Variants in ZBTB20 observed in about 807,000 individuals in gnomAD.
ZBTB20 encodes zinc finger and BTB domain-containing protein 20.
Under a neutral mutation model 56.9 loss-of-function variants are expected in ZBTB20, and 9 were observed. The ratio of observed to expected loss-of-function variants is 0.16; its 90% confidence interval spans 0.10 to 0.28. The LOEUF is 0.28. Among genes scored for constraint, ZBTB20 ranks in the 10% least tolerant of loss-of-function variants. The pLI is 1.00. For missense variants in ZBTB20, 655 were observed against 1,003.0 expected (o/e 0.65, Z 4.69); for synonymous variants, 417 against 420.7 (o/e 0.99, Z 0.11).
intron 6 of ZBTB20, among the ~76,000 whole-genome samples, chr3:114,618,338 C>T (rs1354695436): frequency 6.9e-6 from 1 of 145,082 alleles, no homozygotes. Context: ...CAAGCTCAAA[C>T]TCCTGGGCTC....
At position 114,947,466 on chromosome 3, in the gene ZBTB20, A is replaced by C. The variant is rs1022391634; in HGVS notation, c.-456+26900T>G. On this transcript the variant is annotated intron_variant, in intron 3 of 11. Transcript: ENST00000675478. Reference sequence around the variant, plus strand: ...TGAAATATATATGTAATAGGATACTATCCAGCTATAAAAAAGAATGGAATC... The same window carrying C: ...TGAAATATATATGTAATAGGATACTCTCCAGCTATAAAAAAGAATGGAATC... 2.0e-5 allele frequency among the ~76,000 whole-genome samples: 3 copies of C among 146,430 alleles called. 1 individual carries two copies. The highest frequency in any genetic ancestry group is 1.3e-4 in the Admixed American group (2 of 15,124).
At chr3:114,764,722 T>C (rs1336926783) in intron 5 of ZBTB20, among the ~76,000 whole-genome samples, 3 of 152,196 alleles carry the variant, frequency 2.0e-5, no homozygotes, top group Admixed American at 1.3e-4. Context: ...TTCTATGAGA[T>C]ATATTTCTTT....
chr3:114,336,840 G>T lies in ZBTB20; in HGVS notation c.*2165C>A, dbSNP rs1275968844. ...TTCTTCTTTTTAAAACTGTAGTTTG[G>T]TGTTTTGCTTTGTTTAAAGATTTGC... On this transcript the variant is annotated 3_prime_UTR_variant, in exon 12 of 12. Transcript: ENST00000675478. The T allele has an allele frequency of 6.6e-6, 1 of 152,168 alleles. No individual in the cohort carries two copies. Among genetic ancestry groups the T allele is most frequent in the Non-Finnish European group, 1.5e-5 (1 of 68,018 alleles). The allele number at this position is 152,168 out of a possible 1,614,324, so 9.4% of individuals were successfully genotyped here. A position where few individuals can be genotyped will look rare whatever the true frequency, so the allele number is the denominator to read the frequency against.
At chr3:114,956,478 C>T (rs2077250707) in intron 3 of ZBTB20, among the ~76,000 whole-genome samples, 1 of 152,130 alleles carries the variant, frequency 6.6e-6, no homozygotes, top group Admixed American at 6.6e-5. Flanking sequence ...ACTGAAATCA[C>T]TAGGGAAGCT....
At chr3:115,130,293 T>A (rs1353053369) in intron 1 of ZBTB20, among the ~76,000 whole-genome samples, 2 of 152,232 alleles carry the variant, frequency 1.3e-5, no homozygotes, top group Non-Finnish European at 2.9e-5. Flanking sequence ...TTAGGTCAAA[T>A]CAGCAAATAT....
intron 4 of ZBTB20, among the ~76,000 whole-genome samples, chr3:114,859,229 T>A (rs1472072615): frequency 1.3e-5 from 2 of 151,366 alleles, no homozygotes; most frequent in African/African-American, 2.4e-5. Context: ...CCTTCCTTCC[T>A]TCTTTCCTTC....
At chr3:114,846,728 T>A (rs375174936) in intron 4 of ZBTB20, among the ~76,000 whole-genome samples, 4 of 152,316 alleles carry the variant, frequency 2.6e-5, no homozygotes, top group South Asian at 2.1e-4. Context: ...TTCTGAACCA[T>A]TCTGTGTGAA....
chr3:114,455,625 T>C (rs961906546), intron 7 of ZBTB20, among the ~76,000 whole-genome samples: 18 of 152,080 alleles, frequency 1.2e-4, no homozygotes, highest in Admixed American at 3.3e-4. Flanking sequence ...AGAAGGATGC[T>C]GGAAGAAGAG....
At chr3:114,859,283 CCTTT>C (rs1319926997) in intron 4 of ZBTB20, among the ~76,000 whole-genome samples, 280 of 27,622 alleles carry the variant, frequency 0.01, no homozygotes, top group East Asian at 0.032. Flanking sequence ...TTCCTTCCTT[CCTTT>C]CTTCCTTCCT....
chr3:114,940,508 T>G (rs1468682293), intron 3 of ZBTB20, among the ~76,000 whole-genome samples: 1 of 145,820 alleles, frequency 6.9e-6, no homozygotes, highest in East Asian at 1.9e-4. Context: ...GCACCCTAAT[T>G]AGACAAACGT....
chr3:114,814,188 C>T (rs2072760902), intron 4 of ZBTB20, among the ~76,000 whole-genome samples: 1 of 150,734 alleles, frequency 6.6e-6, no homozygotes, highest in African/African-American at 2.4e-5. Context: ...TTCTTGCCTC[C>T]TTCTCATGTT....
intron 1 of ZBTB20, among the ~76,000 whole-genome samples, chr3:115,115,730 T>C (rs1226935888): frequency 6.6e-6 from 1 of 152,020 alleles, no homozygotes; most frequent in African/African-American, 2.4e-5. Flanking sequence ...TCCCCAAAAG[T>C]CTTCTAAATA....
chr3:114,799,014 C>T (rs1443170758), intron 5 of ZBTB20, among the ~76,000 whole-genome samples: 2 of 151,766 alleles, frequency 1.3e-5, no homozygotes, highest in Admixed American at 1.3e-4. Context: ...TAGAAGGTGT[C>T]AAATGGTTCT....
chr3:114,408,213 A>G (rs996630791), intron 7 of ZBTB20, among the ~76,000 whole-genome samples: 1 of 152,228 alleles, frequency 6.6e-6, no homozygotes, highest in African/African-American at 2.4e-5. Context: ...AAAAAATACT[A>G]TGTAAGTACT....
chr3:114,778,151 C>T (rs1442131290), intron 5 of ZBTB20, among the ~76,000 whole-genome samples: 7 of 148,520 alleles, frequency 4.7e-5, no homozygotes, highest in Admixed American at 6.7e-5. Flanking sequence ...TGCTAAATGA[C>T]GAGTTAATGG....
chr3:114,894,159 G>GA (rs1291426257), intron 4 of ZBTB20, among the ~76,000 whole-genome samples: 1 of 152,108 alleles, frequency 6.6e-6, no homozygotes, highest in Non-Finnish European at 1.5e-5. Flanking sequence ...TACCAGCATT[G>GA]AATATTTACA....
intron 1 of ZBTB20, among the ~76,000 whole-genome samples, chr3:115,115,708 T>A (rs2083998394): frequency 6.6e-6 from 1 of 152,068 alleles, no homozygotes; most frequent in African/African-American, 2.4e-5. Flanking sequence ...TATTTTAATA[T>A]TGTTTTTTAA....
intron 6 of ZBTB20, among the ~76,000 whole-genome samples, chr3:114,632,731 A>G (rs1252719164): frequency 6.6e-6 from 1 of 152,222 alleles, no homozygotes; most frequent in Non-Finnish European, 1.5e-5. Flanking sequence ...AATCTATTAA[A>G]TCAATTTCTT....
In ZBTB20 at chr3:114,351,816, T is replaced by C. The variant is rs2080697053; in HGVS notation, c.262A>G (p.Asn88Asp). The change falls in exon 11 of 12, where the codon AAT becomes GAT. Residue 88 changes from asparagine to aspartate, a missense_variant. This residue lies in a region of ZBTB20 where 57 missense variants were observed against 99.1 expected (regional missense o/e 0.58). Coordinates refer to ENST00000675478, the MANE Select transcript of ZBTB20 (RefSeq NM_001348800.3). ...TCGTTGAGGGTCTCGAGCACGGAATTGCTGAAGTTGTGAAGGTTGATGCTG... is the reference window on the plus strand; with the variant it reads ...TCGTTGAGGGTCTCGAGCACGGAATCGCTGAAGTTGTGAAGGTTGATGCTG... ...IHSINLHNFS[N>D]SVLETLNEQR... 1 of 1,606,098 alleles carries C rather than the reference T, an allele frequency of 6.2e-7. No homozygotes were observed. The highest frequency in any genetic ancestry group is 1.3e-5 in the African/African-American group (1 of 74,810).
Sources: gnomAD v4.1 joint callset for allele counts (sites outside exome capture counted in the v4.1 genomes callset) on GRCh38, gnomAD v4.1.1 for gene constraint, gnomAD v4.1.1 regional missense constraint, MANE v1.5 for transcripts, NCBI Gene and HGNC (gene_info 2026-07-23, HGNC 2026-07-21) for gene names.